Variants in EXD3 observed in about 807,000 individuals in gnomAD.
EXD3 encodes exonuclease 3'-5' domain containing 3, also known as exonuclease mut-7 homolog.
EXD3 carries 92 observed loss-of-function variants against 98.0 expected under a neutral mutation model. The observed-to-expected ratio is 0.94, with a 90% CI of 0.79 to 1.12. The LOEUF (loss-of-function observed/expected upper bound fraction) is 1.12. Among genes scored for constraint, EXD3 ranks in the 50% most tolerant of loss-of-function variants. EXD3 has a pLI of 0.00. For missense variants in EXD3, 1,222 were observed against 1,191.6 expected (o/e 1.03, Z -0.38); for synonymous variants, 569 against 526.0 (o/e 1.08, Z -1.12).
intron 2 of EXD3, 87 bp from the exon 3 acceptor site, chr9:137,383,464 C>T (rs1373687778): frequency 1.4e-5 from 14 of 1,034,624 alleles, no homozygotes; most frequent in African/African-American, 8.3e-5. Context: ...CCCACTGACC[C>T]GCAATGCCTG....
In EXD3 at chr9:137,395,261, C is replaced by G. The variant is rs1017447270; in HGVS notation, c.55+42G>C. The G allele has an allele frequency of 1.3e-6, 2 of 1,589,360 alleles. No individual in the cohort carries two copies. The highest frequency in any genetic ancestry group is 3.3e-5 in the Admixed American group (2 of 59,948). On this transcript the variant is annotated intron_variant, in intron 2 of 21. Transcript: ENST00000340951. This position sits in a 1 kb window ranked among gnomAD's most constrained non-coding sequence, Gnocchi z 6.5. ...CCATGCACACCCACGCACCTCCCCC[C>G]ACAGCCCCAGGGAGACTCGGCACCA...
At chr9:137,368,425 C>G (rs1230417783) in intron 5 of EXD3, among the ~76,000 whole-genome samples, 1 of 152,198 alleles carries the variant, frequency 6.6e-6, no homozygotes, top group Non-Finnish European at 1.5e-5. Context: ...AGGCTGAGGA[C>G]CCCCAGCCTC....
Position 137,352,139 on chromosome 9 carries a change from G to A in EXD3, c.1100C>T (p.Pro367Leu). ...GAGGTGGACGTTCTCCCTGGGGATGGGCAGCTGGTAGTAACGGTCCTTCAT... is the reference window on the plus strand; with the variant it reads ...GAGGTGGACGTTCTCCCTGGGGATGAGCAGCTGGTAGTAACGGTCCTTCAT... ...KDMKDRYYQL[P>L]IPRENVHLLA... Residue 367 changes from proline (P) to leucine (L), a missense_variant, in exon 12 of 22, where the codon CCC becomes CTC. Transcript: ENST00000340951. The A allele has an allele frequency of 6.2e-7, 1 of 1,612,884 alleles. No individual in the cohort carries two copies. Among genetic ancestry groups the A allele is most frequent in the Non-Finnish European group, 8.5e-7 (1 of 1,179,772 alleles).
intron 17 of EXD3, among the ~76,000 whole-genome samples, chr9:137,341,577 A>T: frequency 8.0e-6 from 1 of 124,772 alleles, no homozygotes; most frequent in African/African-American, 3.1e-5. Context: ...CAGGAGTCAG[A>T]GGAAACGGGG....
At chr9:137,410,708 GCC>G (rs35452861) in intron 1 of EXD3, among the ~76,000 whole-genome samples, 1 of 152,122 alleles carries the variant, frequency 6.6e-6, no homozygotes, top group African/African-American at 2.4e-5. Flanking sequence ...CAACGAGGAA[GCC>G]CCCCTGGGGG....
In EXD3 at chr9:137,407,530, G is replaced by A. The variant is rs772853008; in HGVS notation, c.-47-12126C>T. Among the ~76,000 whole-genome samples, 17 of 152,136 alleles carry A rather than the reference G, an allele frequency of 1.1e-4. No homozygotes were observed. Among genetic ancestry groups the A allele is most frequent in the Admixed American group, 7.9e-4 (12 of 15,274 alleles). ...CCACAACCCAGAACCCAGCGTCCCC[G>A]CCCCCATCTCCCGGGATCCCTTGGC... On this transcript the variant is annotated intron_variant, in intron 1 of 21. Transcript: ENST00000340951. The surrounding 1 kb of genome is among the most constrained non-coding windows in gnomAD (Gnocchi z 4.4).
chr9:137,366,309 G>T, intron 7 of EXD3, 184 bp downstream of exon 7: 1 of 832,940 alleles, frequency 1.2e-6, no homozygotes, highest in Non-Finnish European at 2.0e-6. Flanking sequence ...GCTCCTGCCA[G>T]CCCCAGCCGC....
intron 19 of EXD3, among the ~76,000 whole-genome samples, chr9:137,321,629 G>T (rs909729670): frequency 2.6e-5 from 4 of 152,178 alleles, no homozygotes; most frequent in Non-Finnish European, 5.9e-5. Context: ...GCTGCAGTGA[G>T]CTGAGATTAC....
chr9:137,331,600 C>T (rs1234750911), intron 17 of EXD3, among the ~76,000 whole-genome samples: 2 of 152,148 alleles, frequency 1.3e-5, no homozygotes, highest in Admixed American at 1.3e-4. Flanking sequence ...ATCAGTAGCA[C>T]AACGACCAAG....
At chr9:137,354,145 C>G in intron 10 of EXD3, 194 bp downstream of exon 10, 1 of 1,426,892 alleles carries the variant, frequency 7.0e-7, no homozygotes, top group South Asian at 1.5e-5. Flanking sequence ...ATGCCCTCGG[C>G]TCCCGCTCAG....
intron 1 of EXD3, among the ~76,000 whole-genome samples, chr9:137,415,459 G>C (rs754801035): frequency 6.6e-6 from 1 of 152,160 alleles, no homozygotes; most frequent in Non-Finnish European, 1.5e-5. Flanking sequence ...CTCCTAAAGT[G>C]CTGGGATTAC....
chr9:137,374,656 G>A, intron 3 of EXD3: 24 of 985,578 alleles, frequency 2.4e-5, no homozygotes, highest in Non-Finnish European at 2.9e-5. Flanking sequence ...AGGGTGCCAT[G>A]CCCAAAGGCG....
intron 8 of EXD3, among the ~76,000 whole-genome samples, chr9:137,355,441 A>ACGG (rs1834594460): frequency 8.2e-6 from 1 of 121,484 alleles, no homozygotes; most frequent in Non-Finnish European, 1.7e-5. Flanking sequence ...AGGATGGAGG[A>ACGG]AGGGAGGATG....
chr9:137,349,348 C>T lies in EXD3; in HGVS notation c.1657+21G>A. The T allele has an allele frequency of 6.4e-7, 1 of 1,559,686 alleles. No individual in the cohort carries two copies. The highest frequency in any genetic ancestry group is 8.6e-7 in the Non-Finnish European group (1 of 1,158,440). ...GGGAGGGGCGTGAGGAGGGGTCACT[C>T]CCACCCGCCGCACCGCACACCTGCG... On this transcript the variant is annotated intron_variant, in intron 15 of 21. Transcript: ENST00000340951. The surrounding 1 kb of genome is among the most constrained non-coding windows in gnomAD (Gnocchi z 7.4).
intron 19 of EXD3, among the ~76,000 whole-genome samples, chr9:137,315,429 C>G (rs1831594569): frequency 6.6e-6 from 1 of 152,230 alleles, no homozygotes; most frequent in Non-Finnish European, 1.5e-5. Context: ...CCGCTGGCAG[C>G]TCTGAAGCCT....
rs560795381 is a variant in EXD3, at chr9:137,393,204, G to A, written c.55+2099C>T. 4 of 702,636 alleles carry A rather than the reference G, an allele frequency of 5.7e-6. No homozygotes were observed. Among genetic ancestry groups the A allele is most frequent in the South Asian group, 1.5e-5 (1 of 67,604 alleles). 43.5% of individuals were successfully genotyped at this position (702,636 alleles called of 1,614,324 possible). ...TTTGAAAACATCCCACTCTGCTTAG[G>A]TGGAGAAGAGGCTGTAGAAGCCTGT... On this transcript the variant is annotated intron_variant, in intron 2 of 21. Coordinates refer to ENST00000340951, the MANE Select transcript of EXD3 (RefSeq NM_017820.5). This position sits in a 1 kb window ranked among gnomAD's most constrained non-coding sequence, Gnocchi z 4.6.
chr9:137,406,296 AAAAAAGAAAAAGAAAAG>A (rs1231030591), intron 1 of EXD3, among the ~76,000 whole-genome samples: 27 of 151,622 alleles, frequency 1.8e-4, no homozygotes, highest in South Asian at 4.1e-4. Context: ...AAAAGGAAAA[AAAAAAGAAAAAGAAAAG>A]AAAAAGAAAA....
Position 137,371,974 on chromosome 9 carries a change from C to T in EXD3, c.462+931G>A, listed in dbSNP as rs961232470. Among the ~76,000 whole-genome samples, 2 of 152,174 alleles carry T rather than the reference C, an allele frequency of 1.3e-5. No individual in the cohort carries two copies. The highest frequency in any genetic ancestry group is 2.9e-5 in the Non-Finnish European group (2 of 68,022). Reference sequence around the variant, plus strand: ...TACTGTTCCACACAAACCCAAGTCACAGCTTGGCCAGGCTCAGGACGACGG... The same window carrying T: ...TACTGTTCCACACAAACCCAAGTCATAGCTTGGCCAGGCTCAGGACGACGG... On this transcript the variant is annotated intron_variant, in intron 5 of 21. Coordinates refer to ENST00000340951, the MANE Select transcript of EXD3 (RefSeq NM_017820.5). The surrounding 1 kb of genome is among the most constrained non-coding windows in gnomAD (Gnocchi z 8.0).
intron 3 of EXD3, among the ~76,000 whole-genome samples, chr9:137,382,801 C>T (rs1403841059): frequency 2.0e-5 from 3 of 152,166 alleles, no homozygotes; most frequent in Non-Finnish European, 2.9e-5. Context: ...TTCCTGTGCA[C>T]AGGCCATTGC....
Sources: gnomAD v4.1 joint callset for allele counts (sites outside exome capture counted in the v4.1 genomes callset) on GRCh38, gnomAD v4.1.1 for gene constraint, Gnocchi (gnomAD v3.1) non-coding constraint, MANE v1.5 for transcripts, NCBI Gene and HGNC (gene_info 2026-07-23, HGNC 2026-07-21) for gene names.